PPP2R1B: variants seen among roughly 807,000 people sequenced by gnomAD.
PPP2R1B encodes serine/threonine-protein phosphatase 2A 65 kDa regulatory subunit A beta isoform.
A neutral mutation model predicts 72.7 loss-of-function variants in PPP2R1B; 58 were observed. The ratio of observed to expected loss-of-function variants is 0.80; its 90% CI spans 0.65 to 0.99. The LOEUF is 0.99. Ranked by LOEUF, PPP2R1B falls within the 50% of genes least tolerant of loss-of-function variation. The pLI is 0.00. For synonymous variants in PPP2R1B, 256 were observed against 264.6 expected, an observed-to-expected ratio of 0.97 and a Z score of 0.32; for missense variants, 695 against 733.6, an observed-to-expected ratio of 0.95 and a Z score of 0.61.
downstream of PPP2R1B, chr11:111,726,027 G>GAAAT (rs1245625646): frequency 6.6e-6 from 1 of 152,206 alleles, no homozygotes; most frequent in African/African-American, 2.4e-5. Flanking sequence ...ATGATTTCGT[G>GAAAT]AAATAAAGAA....
At chr11:111,753,653 GT>G in intron 8 of PPP2R1B, 76 bp from the exon 9 acceptor site, 3 of 1,454,622 alleles carry the variant, frequency 2.1e-6, no homozygotes, top group Non-Finnish European at 2.8e-6. Flanking sequence ...GGGAAACAGA[GT>G]CTTGCTCTGT....
chr11:111,738,343 A>G lies in PPP2R1B; in HGVS notation c.*3253T>C. 1 of 985,508 alleles carries G rather than the reference A, an allele frequency of 1.0e-6. No individual in the cohort carries two copies. Among genetic ancestry groups the G allele is most frequent in the Non-Finnish European group, 1.2e-6 (1 of 829,996 alleles). 61.0% of individuals were successfully genotyped at this position (985,508 alleles called of 1,614,324 possible). A position where few individuals can be genotyped will look rare whatever the true frequency, so the allele number is the denominator to read the frequency against. On this transcript the variant is annotated 3_prime_UTR_variant, in exon 15 of 15. Coordinates refer to ENST00000527614, the MANE Select transcript of PPP2R1B (RefSeq NM_002716.5). ...GGCAAGAGGACAGAACAAGCACCTGACCTGTTTGGCCACCCTGCCCTGCCA... is the reference window on the plus strand; with the variant it reads ...GGCAAGAGGACAGAACAAGCACCTGGCCTGTTTGGCCACCCTGCCCTGCCA...
chr11:111,729,797 T>TGGCCGTGCACTGAACCAGGC (rs1358983736), intron 15 of PPP2R1B: 1 of 152,298 alleles, frequency 6.6e-6, no homozygotes, highest in East Asian at 1.9e-4. Context: ...GCTGTCCAGG[T>TGGCCGTGCACTGAACCAGGC]GGCCGTGCAC....
At chr11:111,704,288 CT>C in the PPP2R1B span, among the ~76,000 whole-genome samples, 1 of 152,196 alleles carries the variant, frequency 6.6e-6, no homozygotes, top group Non-Finnish European at 1.5e-5. Context: ...TCCTGGTGCC[CT>C]GCACAGCACC....
In PPP2R1B at chr11:111,738,810, C is replaced by T; in HGVS notation, c.*2786G>A. 7 of 985,254 alleles carry T rather than the reference C, an allele frequency of 7.1e-6. No homozygotes were observed. Among genetic ancestry groups the T allele is most frequent in the Non-Finnish European group, 8.4e-6 (7 of 829,940 alleles). The allele number at this position is 985,254 out of a possible 1,614,324, so 61.0% of individuals were successfully genotyped here. On this transcript the variant is annotated 3_prime_UTR_variant, in exon 15 of 15. Transcript: ENST00000527614. ...AAACCTGTGAGGGGTAAACCCCACACAAATTACAGAGAGAAACACCAAGGT... is the reference window on the plus strand; with the variant it reads ...AAACCTGTGAGGGGTAAACCCCACATAAATTACAGAGAGAAACACCAAGGT...
At chr11:111,707,787 T>C in the PPP2R1B span, among the ~76,000 whole-genome samples, 2 of 152,208 alleles carry the variant, frequency 1.3e-5, no homozygotes, top group African/African-American at 4.8e-5. Flanking sequence ...GGAAACAACA[T>C]GATCCAGTCA....
intron 3 of PPP2R1B, among the ~76,000 whole-genome samples, chr11:111,763,245 A>G (rs1017633518): frequency 1.3e-5 from 2 of 152,248 alleles, no homozygotes; most frequent in Non-Finnish European, 2.9e-5. Flanking sequence ...GAGCTTGGTT[A>G]GTTCAAAAAA....
chr11:111,753,749 C>G (rs1400224040), intron 8 of PPP2R1B, among the ~76,000 whole-genome samples, 172 bp from the exon 9 acceptor site: 1 of 152,036 alleles, frequency 6.6e-6, no homozygotes, highest in Admixed American at 6.6e-5. Flanking sequence ...TCCAGAGTAG[C>G]TGGGTCTACA....
At chr11:111,703,524 C>T in the PPP2R1B span, 2 of 973,016 alleles carry the variant, frequency 2.1e-6, no homozygotes, top group Admixed American at 2.0e-5. Context: ...ATCTCCAGCG[C>T]CTAGGCGTAC....
chr11:111,728,261 TG>T (rs1240487377), intron 15 of PPP2R1B: 4 of 150,686 alleles, frequency 2.7e-5, no homozygotes, highest in African/African-American at 9.8e-5. Flanking sequence ...CAGGGATCTT[TG>T]ATCATTTTGT....
At chr11:111,712,332 C>T in the PPP2R1B span, 85 of 1,614,020 alleles carry the variant, frequency 5.3e-5, no homozygotes, top group East Asian at 2.9e-4. Flanking sequence ...GGCTGTCAGG[C>T]GGAAGCTGCA....
chr11:111,691,633 T>C, the PPP2R1B span, among the ~76,000 whole-genome samples: 1 of 152,198 alleles, frequency 6.6e-6, no homozygotes, highest in East Asian at 1.9e-4. Context: ...TGGTTGTACA[T>C]TTAGTGTCCC....
chr11:111,723,450 C>G, downstream of PPP2R1B: 1 of 1,530,954 alleles, frequency 6.5e-7, no homozygotes, highest in Non-Finnish European at 8.8e-7. Context: ...AAATTGCCAT[C>G]ACTTGAGAAG....
downstream of PPP2R1B, chr11:111,735,470 C>T (rs1944311701): frequency 6.6e-6 from 1 of 152,232 alleles, no homozygotes; most frequent in South Asian, 2.1e-4. Context: ...CGGGGGCACC[C>T]TGTGTCCCGT....
intron 11 of PPP2R1B, among the ~76,000 whole-genome samples, chr11:111,747,220 A>G (rs1178168793): frequency 6.6e-6 from 1 of 152,230 alleles, no homozygotes; most frequent in East Asian, 1.9e-4. Flanking sequence ...ACAACACTGA[A>G]GCTGTCAAGT....
At chr11:111,704,247 G>C in the PPP2R1B span, among the ~76,000 whole-genome samples, 1 of 152,300 alleles carries the variant, frequency 6.6e-6, no homozygotes, top group Admixed American at 6.5e-5. Flanking sequence ...TGATTCCACT[G>C]ACCTGTGATT....
Position 111,740,057 on chromosome 11 carries a change from G to T in PPP2R1B, c.*1539C>A. On this transcript the variant is annotated 3_prime_UTR_variant, in exon 15 of 15. Coordinates refer to ENST00000527614, the MANE Select transcript of PPP2R1B (RefSeq NM_002716.5). ...CTTTGGGCCTTCACTAAACAGAACAGGACTTGTTAGATTTAAAAGAGGTTG... is the reference window on the plus strand; with the variant it reads ...CTTTGGGCCTTCACTAAACAGAACATGACTTGTTAGATTTAAAAGAGGTTG... 1.0e-6 allele frequency: 1 copy of T among 985,202 alleles called. No homozygotes were observed. Among genetic ancestry groups the T allele is most frequent in the Non-Finnish European group, 1.2e-6 (1 of 829,812 alleles). 61.0% of individuals were successfully genotyped at this position (985,202 alleles called of 1,614,324 possible).
chr11:111,741,876 A>T, intron 14 of PPP2R1B, 177 bp downstream of exon 14: 2 of 747,394 alleles, frequency 2.7e-6, no homozygotes, highest in African/African-American at 3.5e-5. Context: ...CTCACTTATG[A>T]GAAAATGGTG....
chr11:111,723,455 G>T, downstream of PPP2R1B: 1 of 1,543,082 alleles, frequency 6.5e-7, no homozygotes, highest in South Asian at 1.3e-5. Context: ...GCCATCACTT[G>T]AGAAGATTTA....
Sources: allele counts gnomAD v4.1 joint callset (sites outside exome capture counted in the v4.1 genomes callset), GRCh38; gene constraint gnomAD v4.1.1; transcripts MANE v1.5; gene names NCBI Gene and HGNC (gene_info 2026-07-23, HGNC 2026-07-21).